WTAP: variants seen among roughly 807,000 people sequenced by gnomAD.
WTAP encodes the protein WT1 associated protein, also known as pre-mRNA-splicing regulator WTAP.
Under a neutral mutation model 50.0 loss-of-function variants are expected in WTAP, and 8 were observed. That is an observed-to-expected ratio of 0.16 (90% confidence interval 0.09 to 0.29). The LOEUF is 0.29. Ranked by LOEUF, WTAP falls within the 10% of genes least tolerant of loss-of-function variation. The pLI is 1.00. For synonymous variants in WTAP, 194 were observed against 169.0 expected, an observed-to-expected ratio of 1.15 and a Z score of -1.15; for missense variants, 295 against 470.7, an observed-to-expected ratio of 0.63 and a Z score of 3.45.
intron 5 of WTAP, among the ~76,000 whole-genome samples, chr6:159,747,189 A>G (rs1394508841): frequency 6.6e-6 from 1 of 152,232 alleles, no homozygotes; most frequent in Admixed American, 6.5e-5. Context: ...GAAGAAAATG[A>G]TGAATTTAAT....
At chr6:159,727,966 C>G (rs1053154709) in intron 1 of WTAP, among the ~76,000 whole-genome samples, 3 of 152,236 alleles carry the variant, frequency 2.0e-5, no homozygotes, top group African/African-American at 7.2e-5. Flanking sequence ...ACCGGCCACT[C>G]ACGGAGGCCG....
At chr6:159,743,102 C>T (rs1427609658) in intron 4 of WTAP, among the ~76,000 whole-genome samples, 1 of 152,228 alleles carries the variant, frequency 6.6e-6, no homozygotes, top group Non-Finnish European at 1.5e-5. Flanking sequence ...GGCTGGAGTG[C>T]AGTGGCACAA....
intron 1 of WTAP, among the ~76,000 whole-genome samples, chr6:159,729,796 AT>A (rs949062132): frequency 1.8e-4 from 27 of 152,126 alleles, no homozygotes; most frequent in Admixed American, 6.5e-4. Flanking sequence ...TTCAGCTATG[AT>A]TTGTTCGCCA....
At chr6:159,728,763 GA>G (rs1778384851) in intron 1 of WTAP, among the ~76,000 whole-genome samples, 1 of 152,220 alleles carries the variant, frequency 6.6e-6, no homozygotes, top group South Asian at 2.1e-4. Context: ...GCTGGCTTGT[GA>G]TAAGGTTGAG....
chr6:159,743,074 G>T (rs1000599025), intron 4 of WTAP, among the ~76,000 whole-genome samples: 2 of 152,204 alleles, frequency 1.3e-5, no homozygotes. Context: ...TTGAGACAGG[G>T]TCTCGCACTG....
intron 6 of WTAP, among the ~76,000 whole-genome samples, chr6:159,751,144 G>A (rs1217548714): frequency 1.3e-5 from 2 of 152,196 alleles, no homozygotes; most frequent in Non-Finnish European, 2.9e-5. Flanking sequence ...ACAACTACTT[G>A]TAATTAAATT....
At chr6:159,733,511 A>G (rs926701546) in intron 1 of WTAP, among the ~76,000 whole-genome samples, 9 of 151,964 alleles carry the variant, frequency 5.9e-5, no homozygotes, top group Non-Finnish European at 1.3e-4. Flanking sequence ...AGTCCCAGGT[A>G]CTCGGGAGGC....
At position 159,755,628 on chromosome 6, in the gene WTAP, T is replaced by G; in HGVS notation, c.*17T>G. On this transcript the variant is annotated 3_prime_UTR_variant, in exon 8 of 8. Transcript: ENST00000621533. ...GTTTTGTAATATTTTTTCAGCAAAT[T>G]TTTATACAGTGTCATTTAATTTGGG... is the stretch of plus-strand genomic sequence containing the variant. 2 of 1,568,426 alleles carry G rather than the reference T, an allele frequency of 1.3e-6. No individual in the cohort carries two copies. The highest frequency in any genetic ancestry group is 1.7e-4 in the Middle Eastern group (1 of 5,804).
chr6:159,755,760 C>CTTTTGTTTTTTTTTTTT lies in WTAP; in HGVS notation c.*153_*154insGTTTTTTTTTTTTTTTT, dbSNP rs1779984995. ...TGTTTTTTTTCTTTGTTTTTTTTTT[C>CTTTTGTTTTTTTTTTTT]TTTTCTTTTTTTTTTTTTTTTTTTT... is the stretch of plus-strand genomic sequence containing the variant. On this transcript the variant is annotated 3_prime_UTR_variant, in exon 8 of 8. Transcript: ENST00000621533. 3.5e-6 allele frequency: 1 copy of CTTTTGTTTTTTTTTTTT among 283,704 alleles called. No individual in the cohort carries two copies. The highest frequency in any genetic ancestry group is 4.7e-6 in the Non-Finnish European group (1 of 212,336). The allele number at this position is 283,704 out of a possible 1,614,324, so 17.6% of individuals were successfully genotyped here.
intron 4 of WTAP, 122 bp from the exon 5 acceptor site, chr6:159,743,543 A>T: frequency 1.1e-6 from 1 of 952,322 alleles, no homozygotes; most frequent in Non-Finnish European, 1.5e-6. Context: ...CTGTTATAAA[A>T]GTAGTTAGGA....
chr6:159,742,024 T>A, intron 3 of WTAP, 64 bp from the exon 4 acceptor site: 1 of 1,160,238 alleles, frequency 8.6e-7, no homozygotes, highest in East Asian at 2.5e-5. Flanking sequence ...TTTATAGATA[T>A]CTTCTAGTTT....
Position 159,755,765 on chromosome 6 carries a change from C to G in WTAP, c.*154C>G, listed in dbSNP as rs200478998. The G allele has an allele frequency of 7.5e-5, 13 of 173,372 alleles. No homozygotes were observed. In the East Asian group the frequency reaches 2.3e-3, roughly 30 times the overall value. The allele number at this position is 173,372 out of a possible 1,614,324, so 10.7% of individuals were successfully genotyped here. ...TTTTTCTTTGTTTTTTTTTTCTTTT[C>G]TTTTTTTTTTTTTTTTTTTTTTTTT... On this transcript the variant is annotated 3_prime_UTR_variant, in exon 8 of 8. Coordinates refer to ENST00000621533, the MANE Select transcript of WTAP (RefSeq NM_001270531.2).
upstream of WTAP, chr6:159,727,245 C>T (rs565403905): frequency 6.6e-5 from 85 of 1,281,922 alleles, no homozygotes; most frequent in Non-Finnish European, 8.4e-5. Flanking sequence ...CGGGCTAGGC[C>T]GACGGCCTCC....
chr6:159,746,253 A>G (rs1779567275), intron 5 of WTAP, among the ~76,000 whole-genome samples: 2 of 152,228 alleles, frequency 1.3e-5, no homozygotes, highest in Admixed American at 1.3e-4. Context: ...TAAAGAGTAG[A>G]AAGAATGGGA....
intron 2 of WTAP, among the ~76,000 whole-genome samples, chr6:159,737,137 T>C (rs1778970621): frequency 6.6e-6 from 1 of 152,044 alleles, no homozygotes; most frequent in Admixed American, 6.5e-5. Context: ...AGTCTCCGCC[T>C]CCTGGGCTCA....
intron 1 of WTAP, among the ~76,000 whole-genome samples, chr6:159,735,841 C>T (rs1038714641): frequency 6.6e-6 from 1 of 152,118 alleles, no homozygotes; most frequent in African/African-American, 2.4e-5. Context: ...ACTTTAACAA[C>T]ATAATGCTAT....
Position 159,727,714 on chromosome 6 carries a change from G to T in WTAP, c.-9+11G>T. On this transcript the variant is annotated intron_variant, in intron 1 of 7. Transcript: ENST00000621533. ...CTTCTGCCTGGAGAGGTAGGCGCGGGCCGGCTGGCGGGAGCGGACGCGGGG... is the reference window on the plus strand; with the variant it reads ...CTTCTGCCTGGAGAGGTAGGCGCGGTCCGGCTGGCGGGAGCGGACGCGGGG... 1 of 985,582 alleles carries T rather than the reference G, an allele frequency of 1.0e-6. No homozygotes were observed. The highest frequency in any genetic ancestry group is 1.2e-6 in the Non-Finnish European group (1 of 830,146). 61.1% of individuals were successfully genotyped at this position (985,582 alleles called of 1,614,324 possible). A position where few individuals can be genotyped will look rare whatever the true frequency, so the allele number is the denominator to read the frequency against.
intron 5 of WTAP, among the ~76,000 whole-genome samples, chr6:159,746,249 G>C (rs1779567111): frequency 6.6e-6 from 1 of 152,188 alleles, no homozygotes; most frequent in Non-Finnish European, 1.5e-5. Context: ...AATTTAAAGA[G>C]TAGAAAGAAT....
At chr6:159,744,040 A>G (rs1779417456) in intron 5 of WTAP, among the ~76,000 whole-genome samples, 1 of 152,136 alleles carries the variant, frequency 6.6e-6, no homozygotes, top group South Asian at 2.1e-4. Context: ...GTATTAGTTC[A>G]TCAATTCCAG....
Sources: allele counts gnomAD v4.1 joint callset (sites outside exome capture counted in the v4.1 genomes callset), GRCh38; gene constraint gnomAD v4.1.1; transcripts MANE v1.5; gene names NCBI Gene and HGNC (gene_info 2026-07-23, HGNC 2026-07-21).